Variants in BAIAP2L1 observed in about 807,000 individuals in gnomAD.
The protein encoded by BAIAP2L1 is BAR/IMD domain containing adaptor protein 2 like 1.
BAIAP2L1 carries 35 observed loss-of-function variants against 66.3 expected under a neutral mutation model. That is an observed-to-expected ratio of 0.53 (90% confidence interval 0.40 to 0.70). The LOEUF (loss-of-function observed/expected upper bound fraction) is 0.70, where lower values mean the gene tolerates loss of function less well. Among genes scored for constraint, BAIAP2L1 ranks in the 30% least tolerant of loss-of-function variants. BAIAP2L1 has a pLI of 0.00. For missense variants in BAIAP2L1, 622 were observed against 656.9 expected (o/e 0.95, Z 0.58); for synonymous variants, 269 against 248.7 (o/e 1.08, Z -0.77).
At chr7:98,325,611 G>A (rs1801364179) in intron 3 of BAIAP2L1, among the ~76,000 whole-genome samples, 1 of 152,154 alleles carries the variant, frequency 6.6e-6, no homozygotes, top group Admixed American at 6.5e-5. Flanking sequence ...TCAGGAGGCA[G>A]AGGTTGCAGT....
intron 1 of BAIAP2L1, chr7:98,386,674 T>A: frequency 3.1e-6 from 2 of 637,664 alleles, no homozygotes; most frequent in Non-Finnish European, 2.6e-6. Context: ...ACTTCTCTCC[T>A]ATATTCAACT....
At chr7:98,395,823 G>A (rs1006457188) in intron 1 of BAIAP2L1, among the ~76,000 whole-genome samples, 1 of 151,990 alleles carries the variant, frequency 6.6e-6, no homozygotes, top group Non-Finnish European at 1.5e-5. Context: ...TTGAGCTCAG[G>A]AGTGCGTGAC....
Position 98,297,474 on chromosome 7 carries a change from G to A in BAIAP2L1, c.1423-3363C>T, listed in dbSNP as rs1424929378. 2.6e-5 allele frequency among the ~76,000 whole-genome samples: 4 copies of A among 152,296 alleles called. No homozygotes were observed. In the East Asian group the frequency reaches 5.8e-4, roughly 22 times the overall value. On this transcript the variant is annotated intron_variant, in intron 12 of 13. Transcript: ENST00000005260. Reference sequence around the variant, plus strand: ...CAGAGTGAACAGGGCCAGTGCAGGTGGCCTTGCTCCTGAGCAGAATGGAAC... The same window carrying A: ...CAGAGTGAACAGGGCCAGTGCAGGTAGCCTTGCTCCTGAGCAGAATGGAAC...
intron 3 of BAIAP2L1, among the ~76,000 whole-genome samples, chr7:98,348,571 A>G (rs1163566700): frequency 7.3e-6 from 1 of 137,648 alleles, no homozygotes; most frequent in African/African-American, 2.8e-5. Context: ...TGCCTCCACA[A>G]AAAAAAAAAA....
chr7:98,366,124 T>C (rs1802384969), intron 1 of BAIAP2L1, among the ~76,000 whole-genome samples: 2 of 152,052 alleles, frequency 1.3e-5, no homozygotes, highest in African/African-American at 4.8e-5. Flanking sequence ...TAATTTCCTG[T>C]CATTGGGTGG....
Position 98,401,081 on chromosome 7 carries a change from G to T in BAIAP2L1, c.-229C>A, listed in dbSNP as rs1219878447. 1.0e-4 allele frequency: 39 copies of T among 372,094 alleles called. No homozygotes were observed. Among genetic ancestry groups the T allele is most frequent in the Admixed American group, 4.3e-4 (9 of 20,758 alleles). 23.0% of individuals were successfully genotyped at this position (372,094 alleles called of 1,614,324 possible). ...AGGAGCAGAGGAGAAGCGGCCGGAC[G>T]CCGCCAGAGGAAGCTGGGCGGGCCG... is the stretch of plus-strand genomic sequence containing the variant. On this transcript the variant is annotated 5_prime_UTR_variant, in exon 1 of 14. Transcript: ENST00000005260.
chr7:98,343,332 T>G (rs1801793673), intron 3 of BAIAP2L1, among the ~76,000 whole-genome samples: 1 of 150,600 alleles, frequency 6.6e-6, no homozygotes, highest in African/African-American at 2.4e-5. Flanking sequence ...GCGCCAGTAG[T>G]CCCAGCTACT....
chr7:98,387,279 CTTCT>C (rs1210072784), intron 1 of BAIAP2L1, among the ~76,000 whole-genome samples: 3 of 152,076 alleles, frequency 2.0e-5, no homozygotes, highest in Non-Finnish European at 2.9e-5. Context: ...GGGCACAGAC[CTTCT>C]TTGTCTTTTC....
intron 3 of BAIAP2L1, among the ~76,000 whole-genome samples, chr7:98,352,769 C>T (rs746102765): frequency 5.3e-5 from 8 of 152,200 alleles, no homozygotes; most frequent in Admixed American, 1.3e-4. Flanking sequence ...AACATCGTTG[C>T]TGTGGAAATA....
chr7:98,293,638 G>A lies in BAIAP2L1; in HGVS notation c.1461-42C>T, dbSNP rs371009713. 104 of 1,576,612 alleles carry A rather than the reference G, an allele frequency of 6.6e-5. No homozygotes were observed. In the Middle Eastern group the frequency reaches 8.8e-4, roughly 13 times the overall value. The stretch of plus-strand genomic sequence containing the variant: ...AAATCTTTCAGAACTTCTGCTCTAC[G>A]AGGGAAACTGGATTTTAACAGTGCT... On this transcript the variant is annotated intron_variant, in intron 13 of 13. Coordinates refer to ENST00000005260, the MANE Select transcript of BAIAP2L1 (RefSeq NM_018842.5).
chr7:98,292,750 T>C lies in BAIAP2L1; in HGVS notation c.*771A>G. On this transcript the variant is annotated 3_prime_UTR_variant, in exon 14 of 14. Coordinates refer to ENST00000005260, the MANE Select transcript of BAIAP2L1 (RefSeq NM_018842.5). ...TGAGTGTACTGGTAATGGATGCAGCTTTGGCCAACTAGCTGAGTGAGAACA... is the reference window on the plus strand; with the variant it reads ...TGAGTGTACTGGTAATGGATGCAGCCTTGGCCAACTAGCTGAGTGAGAACA... The C allele has an allele frequency of 6.4e-7, 1 of 1,551,048 alleles. No individual in the cohort carries two copies. Among genetic ancestry groups the C allele is most frequent in the Non-Finnish European group, 8.7e-7 (1 of 1,146,662 alleles).
chr7:98,374,822 A>G (rs1196229542), intron 1 of BAIAP2L1, among the ~76,000 whole-genome samples: 1 of 152,222 alleles, frequency 6.6e-6, no homozygotes, highest in East Asian at 1.9e-4. Context: ...ATCGTGGCTA[A>G]TGCCTGTAAT....
chr7:98,336,531 G>A (rs967102395), intron 3 of BAIAP2L1, among the ~76,000 whole-genome samples: 6 of 152,116 alleles, frequency 3.9e-5, no homozygotes, highest in Admixed American at 1.3e-4. Context: ...CAGGAGAATC[G>A]CCTGAACCCA....
At chr7:98,296,863 G>T (rs1335386250) in intron 12 of BAIAP2L1, among the ~76,000 whole-genome samples, 1 of 152,098 alleles carries the variant, frequency 6.6e-6, no homozygotes, top group Non-Finnish European at 1.5e-5. Flanking sequence ...GCCCCCAAGG[G>T]TCTCACAGCA....
At chr7:98,300,178 C>T (rs764587101) in intron 12 of BAIAP2L1, among the ~76,000 whole-genome samples, 8 of 152,328 alleles carry the variant, frequency 5.3e-5, no homozygotes, top group Admixed American at 2.0e-4. Flanking sequence ...CTGTGCTGCT[C>T]GTCTCTGACA....
chr7:98,365,739 C>T (rs1463495497), intron 1 of BAIAP2L1, among the ~76,000 whole-genome samples: 1 of 152,178 alleles, frequency 6.6e-6, no homozygotes. Flanking sequence ...CCTGGCCTCC[C>T]AAAGTGCTGG....
intron 1 of BAIAP2L1, among the ~76,000 whole-genome samples, chr7:98,367,096 TTGTCCAGGCTGGTC>T (rs2115745041): frequency 6.6e-6 from 1 of 151,998 alleles, no homozygotes; most frequent in Non-Finnish European, 1.5e-5. Flanking sequence ...TCTTGCTATG[TTGTCCAGGCTGGTC>T]TGTCCACAGC....
Position 98,394,663 on chromosome 7 carries a change from T to C in BAIAP2L1, c.51+6139A>G, listed in dbSNP as rs377061273. 1.1e-3 allele frequency among the ~76,000 whole-genome samples: 169 copies of C among 152,226 alleles called. 1 individual carries two copies. Among genetic ancestry groups the C allele is most frequent in the African/African-American group, 3.8e-3 (156 of 41,550 alleles). ...GCAACTGGTGCGTCACTGTGGAAAATCAATCAGCAGTTTCTCCTAAAGCAA... is the reference window on the plus strand; with the variant it reads ...GCAACTGGTGCGTCACTGTGGAAAACCAATCAGCAGTTTCTCCTAAAGCAA... On this transcript the variant is annotated intron_variant, in intron 1 of 13. Transcript: ENST00000005260.
At chr7:98,365,303 ATTTTAT>A (rs1296773783) in intron 1 of BAIAP2L1, among the ~76,000 whole-genome samples, 1 of 152,054 alleles carries the variant, frequency 6.6e-6, no homozygotes, top group African/African-American at 2.4e-5. Context: ...TCTGATGAAG[ATTTTAT>A]ATATCCTGGA....
Sources: allele counts gnomAD v4.1 joint callset (sites outside exome capture counted in the v4.1 genomes callset), GRCh38; gene constraint gnomAD v4.1.1; transcripts MANE v1.5; gene names NCBI Gene and HGNC (gene_info 2026-07-23, HGNC 2026-07-21).